The following EEFSEC variants were observed in gnomAD, a reference collection of about 807,000 sequenced individuals.
EEFSEC encodes selenocysteine-specific elongation factor.
In EEFSEC, 43 loss-of-function variants were observed where a neutral mutation model predicts 42.1. The ratio of observed to expected loss-of-function variants is 1.02; its 90% CI spans 0.80 to 1.32. The LOEUF (loss-of-function observed/expected upper bound fraction) is 1.32. EEFSEC is among the 40% of genes most tolerant of loss of function. The pLI is 0.00. For missense variants in EEFSEC, 745 were observed against 803.6 expected, an observed-to-expected ratio of 0.93 and a Z score of 0.88; for synonymous variants, 354 against 339.1, an observed-to-expected ratio of 1.04 and a Z score of -0.48.
At chr3:128,379,558 A>G (rs908519992) in intron 6 of EEFSEC, among the ~76,000 whole-genome samples, 1 of 152,220 alleles carries the variant, frequency 6.6e-6, no homozygotes, top group Non-Finnish European at 1.5e-5. Flanking sequence ...GACAGAAACC[A>G]TCTGCTGGCT....
At chr3:128,343,445 A>G (rs1283524157) in intron 5 of EEFSEC, among the ~76,000 whole-genome samples, 1 of 151,780 alleles carries the variant, frequency 6.6e-6, no homozygotes. Flanking sequence ...CAGAGCTTGG[A>G]CCCTTAGCTC....
intron 4 of EEFSEC, among the ~76,000 whole-genome samples, chr3:128,302,286 A>G (rs1301280382): frequency 6.6e-6 from 1 of 152,286 alleles, no homozygotes; most frequent in African/African-American, 2.4e-5. Flanking sequence ...TTATAATATT[A>G]GTGTGCATTT....
At chr3:128,295,272 C>T (rs1440822217) in intron 4 of EEFSEC, among the ~76,000 whole-genome samples, 1 of 152,172 alleles carries the variant, frequency 6.6e-6, no homozygotes, top group Non-Finnish European at 1.5e-5. Flanking sequence ...CTGGCTGCCT[C>T]TTGGGGCCTG....
At chr3:128,224,626 C>A (rs145110245) in intron 1 of EEFSEC, among the ~76,000 whole-genome samples, 49 of 152,254 alleles carry the variant, frequency 3.2e-4, no homozygotes, top group Admixed American at 2.1e-3. Flanking sequence ...GCTTTTCTTG[C>A]TGAAGTATTT....
intron 1 of EEFSEC, 104 bp downstream of exon 1, chr3:128,153,927 CA>C (rs1944312165): frequency 2.1e-6 from 3 of 1,400,068 alleles, no homozygotes; most frequent in Non-Finnish European, 2.8e-6. Context: ...GAAATCGCCC[CA>C]CCTCATTGGT....
At chr3:128,172,867 A>G (rs954615262) in intron 1 of EEFSEC, among the ~76,000 whole-genome samples, 1 of 152,194 alleles carries the variant, frequency 6.6e-6, no homozygotes, top group African/African-American at 2.4e-5. Context: ...TCGAGGAGAA[A>G]AGCTGGGTTC....
In EEFSEC at chr3:128,153,654, C is replaced by G. The variant is rs950126681; in HGVS notation, c.147C>G (p.Leu49=). Residue 49 remains leucine, a synonymous_variant, in exon 1 of 7, where the codon CTC becomes CTG. Transcript: ENST00000254730. ...QPQSRERGIT[L]DLGFSCFSVP... The stretch of plus-strand genomic sequence containing the variant: ...AGAGCCGCGAGCGCGGCATCACGCT[C>G]GATCTGGGCTTCTCGTGCTTCTCGG... The G allele has an allele frequency of 3.1e-6, 5 of 1,598,514 alleles. No individual in the cohort carries two copies. The highest frequency in any genetic ancestry group is 3.3e-5 in the Admixed American group (2 of 59,814).
the EEFSEC span, among the ~76,000 whole-genome samples, chr3:128,413,981 G>A: frequency 2.0e-4 from 30 of 152,284 alleles, no homozygotes; most frequent in African/African-American, 6.7e-4. Flanking sequence ...CCGAGGGGCC[G>A]CTGGGCCCAA....
At chr3:128,318,200 G>T (rs2066969028) in intron 4 of EEFSEC, among the ~76,000 whole-genome samples, 1 of 152,252 alleles carries the variant, frequency 6.6e-6, no homozygotes, top group African/African-American at 2.4e-5. Flanking sequence ...GTGAGGCAAG[G>T]GGGGTTAGAA....
chr3:128,323,850 G>A (rs1019482291), intron 4 of EEFSEC, among the ~76,000 whole-genome samples: 8 of 152,234 alleles, frequency 5.3e-5, no homozygotes, highest in African/African-American at 1.7e-4. Flanking sequence ...CTGTGTTGGA[G>A]CAGCCTGGTG....
chr3:128,357,161 G>A (rs78148818), intron 5 of EEFSEC, among the ~76,000 whole-genome samples: 2,934 of 152,360 alleles, frequency 0.019, 102 homozygotes, highest in African/African-American at 0.065. Context: ...GGTGGGGTGA[G>A]GAGCTGGGTG....
At chr3:128,348,259 TGTGTGTGTGTGC>T (rs2067337692) in intron 5 of EEFSEC, among the ~76,000 whole-genome samples, 1 of 133,640 alleles carries the variant, frequency 7.5e-6, no homozygotes, top group Non-Finnish European at 1.5e-5. Context: ...CATGCGTGTG[TGTGTGTGTGTGC>T]GTGTGCGTGT....
At chr3:128,314,715 A>G (rs545897286) in intron 4 of EEFSEC, among the ~76,000 whole-genome samples, 1 of 152,206 alleles carries the variant, frequency 6.6e-6, no homozygotes, top group African/African-American at 2.4e-5. Flanking sequence ...GTTTAGAAAC[A>G]TCCCTGTCTG....
At chr3:128,413,186 G>T (rs1265581501), downstream of EEFSEC, among the ~76,000 whole-genome samples, 1 of 152,226 alleles carries the variant, frequency 6.6e-6, no homozygotes, top group African/African-American at 2.4e-5. Context: ...CCGAGCTGAG[G>T]CCTGGGAGGA....
At chr3:128,238,802 G>T (rs2066039911) in intron 1 of EEFSEC, among the ~76,000 whole-genome samples, 1 of 152,206 alleles carries the variant, frequency 6.6e-6, no homozygotes, top group Admixed American at 6.5e-5. Flanking sequence ...TGGGTTTCTT[G>T]TCAGTCAGGC....
chr3:128,207,433 C>A (rs187489598), intron 1 of EEFSEC, among the ~76,000 whole-genome samples: 12 of 152,082 alleles, frequency 7.9e-5, no homozygotes, highest in African/African-American at 2.9e-4. Context: ...TTAACACCCA[C>A]TCGATTATAA....
intron 4 of EEFSEC, among the ~76,000 whole-genome samples, chr3:128,289,551 A>G (rs898939139): frequency 4.6e-5 from 7 of 152,178 alleles, no homozygotes; most frequent in African/African-American, 7.2e-5. Flanking sequence ...GAATACCTAG[A>G]TTTTGTCATT....
chr3:128,296,371 C>T (rs2066706202), intron 4 of EEFSEC, among the ~76,000 whole-genome samples: 1 of 152,142 alleles, frequency 6.6e-6, no homozygotes, highest in African/African-American at 2.4e-5. Context: ...CCACTCTGTC[C>T]TCATCCTGGC....
intron 4 of EEFSEC, among the ~76,000 whole-genome samples, chr3:128,311,518 C>T (rs1056824488): frequency 5.3e-5 from 8 of 152,232 alleles, no homozygotes; most frequent in African/African-American, 1.4e-4. Context: ...CAGGGCACAG[C>T]TCCAAACTTG....
Sources: allele counts gnomAD v4.1 joint callset (sites outside exome capture counted in the v4.1 genomes callset), GRCh38; gene constraint gnomAD v4.1.1; transcripts MANE v1.5; gene names NCBI Gene and HGNC (gene_info 2026-07-23, HGNC 2026-07-21).